MTFR1: variants seen among roughly 807,000 people sequenced by gnomAD.
MTFR1 encodes the protein chondrocyte protein with a poly-proline region.
MTFR1 carries 28 observed loss-of-function variants against 38.8 expected under a neutral mutation model. The observed-to-expected ratio is 0.72, with a 90% CI of 0.53 to 0.99. The LOEUF is 0.99. MTFR1 is among the 50% of genes least tolerant of loss of function. MTFR1 has a pLI of 0.00. For missense variants in MTFR1, 358 were observed against 395.5 expected (o/e 0.91, Z 0.81); for synonymous variants, 145 against 137.0 (o/e 1.06, Z -0.41).
At chr8:65,645,624 C>T (rs1808936966) in intron 1 of MTFR1, among the ~76,000 whole-genome samples, 1 of 151,720 alleles carries the variant, frequency 6.6e-6, no homozygotes, top group African/African-American at 2.4e-5. Context: ...CTCCTGGGCC[C>T]CAGCGATCCT....
At chr8:65,774,584 T>C (rs1809203710), downstream of MTFR1, among the ~76,000 whole-genome samples, 2 of 151,960 alleles carry the variant, frequency 1.3e-5, no homozygotes, top group South Asian at 4.1e-4. Context: ...TAGCTATCAA[T>C]ATTTACCACA....
chr8:65,648,885 C>G (rs1809040773), intron 1 of MTFR1, among the ~76,000 whole-genome samples: 1 of 151,980 alleles, frequency 6.6e-6, no homozygotes, highest in African/African-American at 2.4e-5. Flanking sequence ...TGCAGTGATG[C>G]TATCATAGCT....
intron 1 of MTFR1, among the ~76,000 whole-genome samples, chr8:65,645,504 C>T (rs904117495): frequency 2.0e-5 from 3 of 152,200 alleles, no homozygotes; most frequent in Admixed American, 1.3e-4. Context: ...ATTATCAATA[C>T]GTGGGCAGTC....
chr8:65,656,629 G>A (rs552106452), intron 1 of MTFR1, among the ~76,000 whole-genome samples: 2 of 151,428 alleles, frequency 1.3e-5, no homozygotes, highest in Non-Finnish European at 2.9e-5. Flanking sequence ...AGCCTCCCAA[G>A]TAGCTGGAAT....
At chr8:65,759,849 T>C (rs997342553) in intron 3 of MTFR1, among the ~76,000 whole-genome samples, 1 of 152,156 alleles carries the variant, frequency 6.6e-6, no homozygotes. Context: ...CACCCCACCC[T>C]GGTACTCTAG....
intron 3 of MTFR1, among the ~76,000 whole-genome samples, chr8:65,768,518 G>A (rs952949670): frequency 1.3e-5 from 2 of 152,198 alleles, no homozygotes; most frequent in Admixed American, 6.5e-5. Context: ...CCGTAATTGT[G>A]AGGCCTCCCC....
At chr8:65,750,776 C>T (rs1462819042) in intron 3 of MTFR1, among the ~76,000 whole-genome samples, 1 of 152,042 alleles carries the variant, frequency 6.6e-6, no homozygotes, top group African/African-American at 2.4e-5. Context: ...CAAGTCATAA[C>T]CTTCTGATAT....
At chr8:65,668,095 C>T (rs1050767922) in intron 1 of MTFR1, among the ~76,000 whole-genome samples, 1 of 151,960 alleles carries the variant, frequency 6.6e-6, no homozygotes, top group Non-Finnish European at 1.5e-5. Context: ...AGATAAAGGG[C>T]TTACATCACT....
rs200481460 is a variant in MTFR1, at chr8:65,709,479, CGTTT to C, written c.*440_*443del. 0.019 allele frequency: 2,931 copies of C among 155,180 alleles called. 26 individuals carry two copies. The highest frequency in any genetic ancestry group is 0.026 in the African/African-American group (1,099 of 41,592). 9.6% of individuals were successfully genotyped at this position (155,180 alleles called of 1,614,324 possible). A position where few individuals can be genotyped will look rare whatever the true frequency, so the allele number is the denominator to read the frequency against. On this transcript the variant is annotated 3_prime_UTR_variant, in exon 8 of 8. Transcript: ENST00000262146. ...ATGGCAACGAGGGCACTGTTATCTT[CGTTT>C]GTTTTCAATGATCATTTAGCATTCA...
chr8:65,724,198 C>T lies in MTFR1; in HGVS notation c.*48+4717C>T, dbSNP rs547736625. 2.4e-5 allele frequency: 26 copies of T among 1,063,792 alleles called. No homozygotes were observed. In the African/African-American group the frequency reaches 2.8e-4, roughly 11 times the overall value. The allele number at this position is 1,063,792 out of a possible 1,614,324, so 65.9% of individuals were successfully genotyped here. ...AAATTATTGAGTTATTTTATTCTTA[C>T]GATGTTAAAAAAAAATGAACTGGAT... On this transcript the variant is annotated intron_variant, in intron 3 of 3. Transcript: ENST00000521247.
rs117095948 is a variant in MTFR1, at chr8:65,652,564, A to G, written c.-81+7780A>G. ...AATTGCTTTTGAGTTTTCATTGTAGATATCTTTCACTTTGATTTCACTTTG... is the reference window on the plus strand; with the variant it reads ...AATTGCTTTTGAGTTTTCATTGTAGGTATCTTTCACTTTGATTTCACTTTG... On this transcript the variant is annotated intron_variant, in intron 1 of 7. Coordinates refer to ENST00000262146, the MANE Select transcript of MTFR1 (RefSeq NM_014637.4). 1.6e-4 allele frequency among the ~76,000 whole-genome samples: 24 copies of G among 152,228 alleles called. 1 individual carries two copies. The East Asian group carries it at 4.4e-3, about 28-fold the overall frequency.
intron 3 of MTFR1, chr8:65,719,829 T>A (rs892259866): frequency 3.3e-6 from 1 of 298,560 alleles, no homozygotes; most frequent in Non-Finnish European, 6.5e-6. Context: ...TACTCGGGCA[T>A]AGCCCAATTC....
intron 3 of MTFR1, chr8:65,723,516 G>C: frequency 6.8e-7 from 1 of 1,466,864 alleles, no homozygotes. Context: ...TTTCTAACCA[G>C]CTATATCTAA....
intron 3 of MTFR1, among the ~76,000 whole-genome samples, chr8:65,749,020 G>A (rs762593841): frequency 9.2e-5 from 14 of 152,096 alleles, no homozygotes; most frequent in Non-Finnish European, 1.9e-4. Context: ...AAGGCTTCAC[G>A]CTCCAAGTCT....
At chr8:65,694,510 C>A (rs1192021237) in intron 4 of MTFR1, among the ~76,000 whole-genome samples, 3 of 152,178 alleles carry the variant, frequency 2.0e-5, no homozygotes, top group African/African-American at 7.2e-5. Context: ...TGACAGAATT[C>A]TTTGTCCTTC....
chr8:65,746,265 C>T (rs1017176149), intron 3 of MTFR1, among the ~76,000 whole-genome samples: 4 of 151,896 alleles, frequency 2.6e-5, no homozygotes, highest in African/African-American at 4.8e-5. Context: ...ATTTTAGGGA[C>T]GTAGAAACAA....
intron 3 of MTFR1, among the ~76,000 whole-genome samples, chr8:65,754,939 T>G (rs980535297): frequency 3.3e-5 from 5 of 149,762 alleles, no homozygotes; most frequent in African/African-American, 1.2e-4. Flanking sequence ...CACTCCAGCC[T>G]GGCGACAGAG....
intron 3 of MTFR1, among the ~76,000 whole-genome samples, chr8:65,745,077 G>A (rs551332034): frequency 6.6e-6 from 1 of 152,270 alleles, no homozygotes; most frequent in East Asian, 1.9e-4. Flanking sequence ...TAAGTCTAAC[G>A]AGATCTGATG....
intron 3 of MTFR1, among the ~76,000 whole-genome samples, chr8:65,725,087 C>CA (rs1321380964): frequency 6.6e-5 from 10 of 151,318 alleles, no homozygotes; most frequent in Non-Finnish European, 1.2e-4. Flanking sequence ...TAGAATGCTT[C>CA]AAAAAAAGCC....
Sources: gnomAD v4.1 joint callset for allele counts (sites outside exome capture counted in the v4.1 genomes callset) on GRCh38, gnomAD v4.1.1 for gene constraint, MANE v1.5 for transcripts, NCBI Gene and HGNC (gene_info 2026-07-23, HGNC 2026-07-21) for gene names.